Variants in CCDC88B observed in about 807,000 individuals in gnomAD.
The protein encoded by CCDC88B is coiled-coil and HOOK domain protein 88B.
A neutral mutation model predicts 183.7 loss-of-function variants in CCDC88B; 138 were observed. That is an observed-to-expected ratio of 0.75 (90% CI 0.65 to 0.87). The LOEUF (loss-of-function observed/expected upper bound fraction) is 0.87. Among genes scored for constraint, CCDC88B ranks in the 40% least tolerant of loss-of-function variants. CCDC88B has a pLI of 0.00. For missense variants in CCDC88B, 1,822 were observed against 1,965.6 expected (o/e 0.93, Z 1.38); for synonymous variants, 835 against 867.5 (o/e 0.96, Z 0.66).
In CCDC88B at chr11:64,342,588, G is replaced by C. The variant is rs979410703; in HGVS notation, c.970G>C (p.Glu324Gln). 6.5e-7 allele frequency: 1 copy of C among 1,531,154 alleles called. No homozygotes were observed. The allele number at this position is 1,531,154 out of a possible 1,614,324, so 94.8% of individuals were successfully genotyped here. Residue 324 changes from glutamate (E) to glutamine (Q), a missense_variant, in exon 10 of 27, where the codon GAG becomes CAG. Transcript: ENST00000356786. ...CCGCGAGGAGGCAGAGGCGCTGCGG[G>C]AGCGGGCCGGCCGCCTGCCCCGCCT... ...LYREEAEALRERAGRLPRLQE... is the reference protein window; with the variant it reads ...LYREEAEALRQRAGRLPRLQE...
In CCDC88B at chr11:64,342,689, GA is replaced by G. The variant is rs1591277698; in HGVS notation, c.1062+10del. On this transcript the variant is annotated intron_variant, in intron 10 of 26. Coordinates refer to ENST00000356786, the MANE Select transcript of CCDC88B (RefSeq NM_032251.6). ...ACAAGAGTCAGCTGGAGGTGAGGCG[GA>G]GACGGAGCCGCGGGGCGGGGCGTGC... 4 of 1,473,126 alleles carry G rather than the reference GA, an allele frequency of 2.7e-6. No homozygotes were observed. In the East Asian group the frequency reaches 7.6e-5, roughly 28 times the overall value. The allele number at this position is 1,473,126 out of a possible 1,614,324, so 91.3% of individuals were successfully genotyped here.
chr11:64,349,456 G>A lies in CCDC88B; in HGVS notation c.2742G>A (p.Gln914=). The change falls in exon 15 of 27, where the codon CAG becomes CAA. Residue 914 remains glutamine (Q), a splice_region_variant and synonymous_variant. Transcript: ENST00000356786. ...TGCGAGAAAAGGAAAGCCAGCACCA[G>A]AGGTGGGGACAGGGCTGAGGGGAAG... ...EFLREKESQH[Q]RYQGLEQRLE... The A allele has an allele frequency of 6.2e-7, 1 of 1,612,306 alleles. No individual in the cohort carries two copies. The highest frequency in any genetic ancestry group is 8.5e-7 in the Non-Finnish European group (1 of 1,179,400).
At position 64,344,566 on chromosome 11, in the gene CCDC88B, A is replaced by T. The variant is rs776433928; in HGVS notation, c.2025A>T (p.Gly675=). 1.2e-6 allele frequency: 2 copies of T among 1,606,640 alleles called. No individual in the cohort carries two copies. The highest frequency in any genetic ancestry group is 1.1e-5 in the South Asian group (1 of 90,316). ...ACCAGGGCCTGGACCTGGCCACGGG[A>T]CAAGCAGAGGCCAGAGAGCATGACC... The part of the protein sequence containing the change: ...GPNQGLDLAT[G]QAEAREHDQR... Residue 675 remains glycine (G), a synonymous_variant, in exon 14 of 27, where the codon GGA becomes GGT. Coordinates refer to ENST00000356786, the MANE Select transcript of CCDC88B (RefSeq NM_032251.6). This position sits in a 1 kb window ranked among gnomAD's most constrained non-coding sequence, Gnocchi z 4.5.
At chr11:64,343,042 G>T in intron 10 of CCDC88B, 137 bp from the exon 11 acceptor site, 1 of 1,004,326 alleles carries the variant, frequency 1.0e-6, no homozygotes, top group Non-Finnish European at 1.4e-6. Flanking sequence ...GAGTGGCGGG[G>T]CCTAGAGACT....
At chr11:64,351,438 C>T in intron 17 of CCDC88B, 38 bp from the exon 18 acceptor site, 3 of 1,562,592 alleles carry the variant, frequency 1.9e-6, no homozygotes, top group Non-Finnish European at 2.6e-6. Flanking sequence ...GGGGGTGCCC[C>T]CGCCACCTGG....
At chr11:64,342,425 C>A (rs375657182) in intron 9 of CCDC88B, 50 bp downstream of exon 9, 414 of 1,548,736 alleles carry the variant, frequency 2.7e-4, no homozygotes, top group Non-Finnish European at 3.5e-4. Context: ...CCTCCCCGCA[C>A]CCGGTCCCAT....
chr11:64,345,181 C>T, intron 14 of CCDC88B, 24 bp downstream of exon 14: 1 of 1,533,712 alleles, frequency 6.5e-7, no homozygotes, highest in Non-Finnish European at 8.7e-7. Flanking sequence ...GGGCTCACCG[C>T]TGGGGTTGGG....
intron 16 of CCDC88B, 37 bp from the exon 17 acceptor site, chr11:64,351,123 G>A (rs1410095078): frequency 4.2e-6 from 6 of 1,424,044 alleles, no homozygotes; most frequent in Admixed American, 3.0e-5. Flanking sequence ...AGGCACTGCG[G>A]CTGTCCCGCA....
Position 64,353,371 on chromosome 11 carries a change from T to G in CCDC88B, c.3708T>G (p.Ser1236Arg). 1 of 1,613,614 alleles carries G rather than the reference T, an allele frequency of 6.2e-7. No homozygotes were observed. The highest frequency in any genetic ancestry group is 1.1e-5 in the South Asian group (1 of 91,068). ...TQCELLTQLR[S>R]AQEEENRQLL... ...GCCAGCTATTGACACAGCTGCGAAG[T>G]GCCCAGGAAGAGGAGAACCGGCAGC... Residue 1236 changes from serine to arginine, a missense_variant, in exon 22 of 27, where the codon AGT becomes AGG. Ser to Arg is a moderately radical substitution (Grantham distance 110). Transcript: ENST00000356786.
chr11:64,349,352 CG>C lies in CCDC88B; in HGVS notation c.2642del (p.Gly881AlafsTer58). Reference protein sequence around the residue: ...LQAELEKAVVRGKELGDRLEH... With the variant: ...LQAELEKAVVXGKELGDRLEH... ...TCAGGAGCTGGAGAAAGCTGTGGTG[CG>C]GGGCAAGGAGTTGGGGGACCGGCTG... On this transcript the variant is annotated frameshift_variant, in exon 15 of 27. Coordinates refer to ENST00000356786, the MANE Select transcript of CCDC88B (RefSeq NM_032251.6). LOFTEE classifies it high-confidence loss of function. 1 of 1,610,994 alleles carries C rather than the reference CG, an allele frequency of 6.2e-7. No homozygotes were observed. Among genetic ancestry groups the C allele is most frequent in the Non-Finnish European group, 8.5e-7 (1 of 1,179,098 alleles).
intron 14 of CCDC88B, 114 bp from the exon 15 acceptor site, chr11:64,349,217 A>G: frequency 2.4e-6 from 3 of 1,240,546 alleles, no homozygotes; most frequent in Non-Finnish European, 3.3e-6. Context: ...AGGCTTAATG[A>G]TACGTGCCCA....
chr11:64,355,559 G>T lies in CCDC88B; in HGVS notation c.4307-1G>T. 1 of 1,613,130 alleles carries T rather than the reference G, an allele frequency of 6.2e-7. No individual in the cohort carries two copies. The highest frequency in any genetic ancestry group is 8.5e-7 in the Non-Finnish European group (1 of 1,179,784). ...CCCAGTGGTTGCCTTGTGCCTCCCA[G>T]GACCTGGTGTGGGATGGGAGAACTC... On this transcript the variant is annotated splice_acceptor_variant, in intron 25 of 26. Coordinates refer to ENST00000356786, the MANE Select transcript of CCDC88B (RefSeq NM_032251.6). LOFTEE classifies it high-confidence loss of function.
chr11:64,357,239 G>T lies in CCDC88B; in HGVS notation c.*145G>T. The T allele has an allele frequency of 1.0e-6, 1 of 978,724 alleles. No homozygotes were observed. The allele number at this position is 978,724 out of a possible 1,614,324, so 60.6% of individuals were successfully genotyped here. ...AGGCCTGGGCCCTGAGATCCTCCAC[G>T]GTCAGCGCCGGGGCCCGGAGATGGA... On this transcript the variant is annotated 3_prime_UTR_variant, in exon 27 of 27. Transcript: ENST00000356786.
chr11:64,353,938 C>T, intron 23 of CCDC88B, 66 bp from the exon 24 acceptor site: 1 of 1,559,868 alleles, frequency 6.4e-7, no homozygotes, highest in Admixed American at 1.8e-5. Context: ...TTTGACATCC[C>T]CAGGACACCC....
At chr11:64,342,874 A>AGG (rs201381960) in intron 10 of CCDC88B, 194 bp downstream of exon 10, 6 of 174,834 alleles carry the variant, frequency 3.4e-5, no homozygotes, top group African/African-American at 3.2e-4. Context: ...GGTGTAGGGG[A>AGG]GTGGGGGGGC....
chr11:64,342,883 G>A (rs1334237386), intron 10 of CCDC88B: 2 of 458,962 alleles, frequency 4.4e-6, no homozygotes, highest in Non-Finnish European at 7.5e-6. Flanking sequence ...GAGTGGGGGG[G>A]CTGTGTAAGT....
rs780449261 is a variant in CCDC88B at position 64,355,209 on chromosome 11, C to G, written c.4115C>G (p.Ala1372Gly). 2.0e-5 allele frequency: 30 copies of G among 1,494,560 alleles called. No individual in the cohort carries two copies. The highest frequency in any genetic ancestry group is 2.7e-5 in the Non-Finnish European group (30 of 1,124,108). 92.6% of individuals were successfully genotyped at this position (1,494,560 alleles called of 1,614,324 possible). ...EADGTGSPSP[A>G]PMRRAQSSLC... ...CCTCTTGCAGGGTCCCCTTCCCCGG[C>G]ACCCATGCGCCGGGCCCAGAGCTCC... The change falls in exon 25 of 27, where the codon GCA becomes GGA. Residue 1372 changes from alanine (A) to glycine (G), a missense_variant. Ala to Gly is a moderately conservative substitution (Grantham distance 60). Transcript: ENST00000356786.
rs186796608 is a variant in CCDC88B, at chr11:64,349,353, G to C, written c.2639G>C (p.Arg880Pro). The part of the protein sequence containing the change: ...LQAELEKAVV[R>P]GKELGDRLEH... Reference sequence around the variant, plus strand: ...CAGGAGCTGGAGAAAGCTGTGGTGCGGGGCAAGGAGTTGGGGGACCGGCTG... The same window carrying C: ...CAGGAGCTGGAGAAAGCTGTGGTGCCGGGCAAGGAGTTGGGGGACCGGCTG... The change falls in exon 15 of 27, where the codon CGG (arginine) becomes CCG (proline). Residue 880 changes from arginine (R) to proline (P), a missense_variant. Coordinates refer to ENST00000356786, the MANE Select transcript of CCDC88B (RefSeq NM_032251.6). 8 of 1,611,420 alleles carry C rather than the reference G, an allele frequency of 5.0e-6. No individual in the cohort carries two copies. The highest frequency in any genetic ancestry group is 1.3e-5 in the African/African-American group (1 of 74,866).
At chr11:64,346,354 C>T (rs990903975) in intron 14 of CCDC88B, among the ~76,000 whole-genome samples, 7 of 152,020 alleles carry the variant, frequency 4.6e-5, no homozygotes, top group Non-Finnish European at 8.8e-5. Flanking sequence ...TTGCAACCTC[C>T]GCCTCTCAGG....
Sources: allele counts gnomAD v4.1 joint callset (sites outside exome capture counted in the v4.1 genomes callset), GRCh38; gene constraint gnomAD v4.1.1; non-coding constraint Gnocchi (gnomAD v3.1); transcripts MANE v1.5; gene names NCBI Gene and HGNC (gene_info 2026-07-23, HGNC 2026-07-21).